The following RFX4 variants were observed in gnomAD, a reference collection of about 807,000 sequenced individuals.
RFX4 encodes regulatory factor X4.
A neutral mutation model predicts 95.0 loss-of-function variants in RFX4; 10 were observed. The ratio of observed to expected loss-of-function variants is 0.11; its 90% confidence interval spans 0.06 to 0.18. RFX4 has a LOEUF of 0.18. RFX4 is among the 10% of genes least tolerant of loss of function. The pLI, the probability that RFX4 is intolerant of heterozygous loss-of-function variation, is 1.00. For missense variants in RFX4, 640 were observed against 922.0 expected, an observed-to-expected ratio of 0.69 and a Z score of 3.96; for synonymous variants, 321 against 340.7, an observed-to-expected ratio of 0.94 and a Z score of 0.64.
At chr12:106,690,949 T>G (rs1176129220) in intron 7 of RFX4, among the ~76,000 whole-genome samples, 1 of 152,190 alleles carries the variant, frequency 6.6e-6, no homozygotes, top group African/African-American at 2.4e-5. Flanking sequence ...TTCATTTCAT[T>G]TGCTTAATTC....
In RFX4 at chr12:106,747,545, C is replaced by T. The variant is rs955136584; in HGVS notation, c.1742C>T (p.Pro581Leu). 2 of 1,614,134 alleles carry T rather than the reference C, an allele frequency of 1.2e-6. No homozygotes were observed. The highest frequency in any genetic ancestry group is 2.7e-5 in the African/African-American group (2 of 75,034). Residue 581 changes from proline to leucine, a missense_variant, in exon 16 of 18, where the codon CCT becomes CTT. By Grantham distance (98) the Pro-to-Leu change is moderately conservative. This residue lies in a region of RFX4 where 300 missense variants were observed against 346.8 expected (regional missense o/e 0.87). Coordinates refer to ENST00000392842, the MANE Select transcript of RFX4 (RefSeq NM_213594.3). The part of the protein sequence containing the change: ...QLPCMRNTHV[P>L]SSSVTHRIPV... ...CCCTGTATGAGGAACACTCATGTGCCTTCTTCCTCCGTCACACACAGGATA... is the reference window on the plus strand; with the variant it reads ...CCCTGTATGAGGAACACTCATGTGCTTTCTTCCTCCGTCACACACAGGATA...
In RFX4 at chr12:106,711,462, G is replaced by C; in HGVS notation, c.944G>C (p.Arg315Thr). The C allele has an allele frequency of 6.2e-7, 1 of 1,613,820 alleles. No homozygotes were observed. Among genetic ancestry groups the C allele is most frequent in the Non-Finnish European group, 8.5e-7 (1 of 1,179,706 alleles). ...TCTTTTCTCCTTGCAGTGTCGAGAA[G>C]GTTCTCCCAAATTCTGAGACGGCAA... is the stretch of plus-strand genomic sequence containing the variant. ...LRNIKFELSRRFSQILRRQTS... is the reference protein window; with the variant it reads ...LRNIKFELSRTFSQILRRQTS... The change falls in exon 10 of 18, where the codon AGG (arginine) becomes ACG (threonine). Residue 315 changes from arginine (R) to threonine (T), a missense_variant. Coordinates refer to ENST00000392842, the MANE Select transcript of RFX4 (RefSeq NM_213594.3).
intron 3 of RFX4, chr12:106,646,045 T>A (rs558469003): frequency 3.1e-4 from 272 of 886,764 alleles, no homozygotes; most frequent in Non-Finnish European, 4.2e-4. Context: ...GTGCTGTGGG[T>A]AAATGTGTCA....
chr12:106,654,124 G>T, intron 3 of RFX4, 104 bp from the exon 4 acceptor site: 3 of 1,483,150 alleles, frequency 2.0e-6, no homozygotes, highest in South Asian at 2.3e-5. Flanking sequence ...TAGAAAGAAC[G>T]TTATTTCTAA....
Position 106,586,198 on chromosome 12 carries a change from G to GT in RFX4, c.43+2836dup, listed in dbSNP as rs1406253153. Among the ~76,000 whole-genome samples the GT allele has an allele frequency of 6.6e-6, 1 of 152,142 alleles. No individual in the cohort carries two copies. Among genetic ancestry groups the GT allele is most frequent in the African/African-American group, 2.4e-5 (1 of 41,450 alleles). On this transcript the variant is annotated intron_variant, in intron 1 of 17. Transcript: ENST00000392842. This position sits in a 1 kb window ranked among gnomAD's most constrained non-coding sequence, Gnocchi z 5.6. The stretch of plus-strand genomic sequence containing the variant: ...AAGGCGACAGGCGCGCGCAGGGGCA[G>GT]TCGACGCACCTTCTGGCCGGTGCGC...
intron 2 of RFX4, among the ~76,000 whole-genome samples, chr12:106,633,425 A>G (rs1160363452): frequency 1.3e-5 from 2 of 152,256 alleles, no homozygotes; most frequent in African/African-American, 2.4e-5. Context: ...ATTTGGAGGA[A>G]TAAAATGAGG....
chr12:106,589,013 T>C (rs1199885751), intron 1 of RFX4, among the ~76,000 whole-genome samples: 1 of 152,152 alleles, frequency 6.6e-6, no homozygotes, highest in African/African-American at 2.4e-5. Context: ...TGAGAGCCCA[T>C]CCTACGTGTT....
At chr12:106,697,628 T>C (rs935416916) in intron 8 of RFX4, among the ~76,000 whole-genome samples, 3 of 152,102 alleles carry the variant, frequency 2.0e-5, no homozygotes, top group East Asian at 3.9e-4. Context: ...AGGGAGAGTA[T>C]GTGCCATGCC....
chr12:106,666,820 C>G (rs954161326), intron 4 of RFX4, among the ~76,000 whole-genome samples: 4 of 152,218 alleles, frequency 2.6e-5, no homozygotes, highest in Admixed American at 2.0e-4. Flanking sequence ...GCTGTCTAAT[C>G]TATCAATTAG....
At chr12:106,759,189 A>G (rs1248591045) in intron 17 of RFX4, among the ~76,000 whole-genome samples, 2 of 152,206 alleles carry the variant, frequency 1.3e-5, no homozygotes, top group Non-Finnish European at 2.9e-5. Flanking sequence ...AGGAGGTGAC[A>G]TTTAAGCTGA....
chr12:106,709,497 G>A, intron 9 of RFX4, 67 bp downstream of exon 9: 1 of 1,217,884 alleles, frequency 8.2e-7, no homozygotes, highest in Non-Finnish European at 1.2e-6. Context: ...TTTTACATAA[G>A]TTGTTAATAG....
At chr12:106,752,401 G>A (rs542677876) in intron 17 of RFX4, among the ~76,000 whole-genome samples, 1 of 152,228 alleles carries the variant, frequency 6.6e-6, no homozygotes, top group African/African-American at 2.4e-5. Context: ...TGGGTGCTCG[G>A]CCAGTGTTCA....
chr12:106,669,549 C>T (rs1024354855), intron 4 of RFX4, among the ~76,000 whole-genome samples: 23 of 152,148 alleles, frequency 1.5e-4, no homozygotes, highest in South Asian at 8.3e-4. Flanking sequence ...CTCATTTACA[C>T]GGTGGCCCTC....
intron 2 of RFX4, among the ~76,000 whole-genome samples, chr12:106,611,747 G>A (rs1161894760): frequency 2.6e-5 from 4 of 152,036 alleles, no homozygotes; most frequent in Non-Finnish European, 4.4e-5. Flanking sequence ...TCCTGACCTC[G>A]TGATCTGCCC....
chr12:106,622,258 A>G (rs1444412588), intron 2 of RFX4, among the ~76,000 whole-genome samples: 2 of 152,134 alleles, frequency 1.3e-5, no homozygotes, highest in African/African-American at 2.4e-5. Flanking sequence ...CAGTCCCACA[A>G]CTGTAAGTTA....
At chr12:106,679,292 T>C (rs2041456388) in intron 4 of RFX4, among the ~76,000 whole-genome samples, 1 of 152,154 alleles carries the variant, frequency 6.6e-6, no homozygotes, top group Non-Finnish European at 1.5e-5. Flanking sequence ...ACCCTGTCTC[T>C]ACTAAAAATA....
At chr12:106,727,747 G>A (rs1320707530) in intron 13 of RFX4, among the ~76,000 whole-genome samples, 2 of 151,974 alleles carry the variant, frequency 1.3e-5, no homozygotes, top group Non-Finnish European at 2.9e-5. Flanking sequence ...AGCCTCCCGA[G>A]TAGCTGGGAT....
intron 5 of RFX4, chr12:106,684,684 T>C: frequency 6.8e-7 from 1 of 1,462,052 alleles, no homozygotes; most frequent in Non-Finnish European, 9.1e-7. Context: ...ACCATGCTCC[T>C]CCCCCACCCA....
chr12:106,755,774 T>G (rs899106898), intron 17 of RFX4, among the ~76,000 whole-genome samples: 3 of 152,148 alleles, frequency 2.0e-5, no homozygotes, highest in Non-Finnish European at 2.9e-5. Flanking sequence ...CTTCACTACA[T>G]CAGACTCACC....
Sources: gnomAD v4.1 joint callset for allele counts (sites outside exome capture counted in the v4.1 genomes callset) on GRCh38, gnomAD v4.1.1 for gene constraint, gnomAD v4.1.1 regional missense constraint, Gnocchi (gnomAD v3.1) non-coding constraint, MANE v1.5 for transcripts, NCBI Gene and HGNC (gene_info 2026-07-23, HGNC 2026-07-21) for gene names.